Variants in ADCY9 observed in about 807,000 individuals in gnomAD.
The protein encoded by ADCY9 is adenylate cyclase type 9.
In ADCY9, 50 loss-of-function variants were observed where a neutral mutation model predicts 101.5. The ratio of observed to expected loss-of-function variants is 0.49; its 90% confidence interval spans 0.39 to 0.62. The LOEUF (loss-of-function observed/expected upper bound fraction) is 0.62. ADCY9 is among the 20% of genes least tolerant of loss of function. The pLI is 0.00. For missense variants in ADCY9, 1,662 were observed against 1,800.4 expected (o/e 0.92, Z 1.39); for synonymous variants, 905 against 769.3 (o/e 1.18, Z -2.92).
rs773506634 is a variant in ADCY9 at position 3,979,137 on chromosome 16, G to A, written c.2658C>T (p.Ser886=). The change falls in exon 8 of 11, where the codon TCC becomes TCT. Residue 886 remains serine (S), a synonymous_variant. Transcript: ENST00000294016. ...PALAVYSHVT[S]EYETNIHFPV... is the part of the protein sequence containing the mutation. Reference sequence around the variant, plus strand: ...TTACGTGTATGTTGGTCTCATATTCGGAGGTGACATGGGAGTAGACGGCCA... The same window carrying A: ...TTACGTGTATGTTGGTCTCATATTCAGAGGTGACATGGGAGTAGACGGCCA... 9.0e-5 allele frequency: 145 copies of A among 1,614,072 alleles called. No homozygotes were observed. Among genetic ancestry groups the A allele is most frequent in the Admixed American group, 1.7e-4 (10 of 60,006 alleles).
At chr16:4,038,902 C>T (rs1421249361) in intron 2 of ADCY9, among the ~76,000 whole-genome samples, 1 of 152,118 alleles carries the variant, frequency 6.6e-6, no homozygotes, top group East Asian at 1.9e-4. Context: ...TCCAGGCTTC[C>T]AGTTTCTCCT....
At chr16:3,987,019 C>T (rs1378624893) in intron 6 of ADCY9, among the ~76,000 whole-genome samples, 1 of 152,250 alleles carries the variant, frequency 6.6e-6, no homozygotes, top group Non-Finnish European at 1.5e-5. Context: ...GCCCCGGATG[C>T]GCCTGCAACT....
intron 2 of ADCY9, among the ~76,000 whole-genome samples, chr16:4,049,243 C>T (rs1004455388): frequency 6.6e-6 from 1 of 152,220 alleles, no homozygotes; most frequent in Non-Finnish European, 1.5e-5. Context: ...CTTTCCATTG[C>T]TGTACAGAAC....
rs773863317 is a variant in ADCY9, at chr16:3,974,728, A to T, written c.2829-18T>A. Reference sequence around the variant, plus strand: ...ATACAGAACTGAAATTAAAATGCAGAAAAATATTATCATAAAGAGCAAAGA... The same window carrying T: ...ATACAGAACTGAAATTAAAATGCAGTAAAATATTATCATAAAGAGCAAAGA... On this transcript the variant is annotated intron_variant, in intron 9 of 10. Coordinates refer to ENST00000294016, the MANE Select transcript of ADCY9 (RefSeq NM_001116.4). 6.2e-7 allele frequency: 1 copy of T among 1,606,984 alleles called. No homozygotes were observed. The highest frequency in any genetic ancestry group is 2.2e-5 in the East Asian group (1 of 44,820).
At chr16:3,985,140 C>CT (rs139751473) in intron 6 of ADCY9, among the ~76,000 whole-genome samples, 5 of 78,366 alleles carry the variant, frequency 6.4e-5, no homozygotes, top group African/African-American at 2.4e-4. Flanking sequence ...TTTTCTTTTC[C>CT]TTTTTTTTTT....
rs9939108 is a variant in ADCY9, at chr16:3,975,213, A to G, written c.2829-503T>C. On this transcript the variant is annotated intron_variant, in intron 9 of 10. Coordinates refer to ENST00000294016, the MANE Select transcript of ADCY9 (RefSeq NM_001116.4). ...GGTAAAAAGCAGTTTGCTGGATTTC[A>G]TACTCTCGAGAAAGAGCTCATCGTG... Among the ~76,000 whole-genome samples the G allele has an allele frequency of 8.0e-3, 1,214 of 152,316 alleles. 17 individuals are homozygous for G. Among genetic ancestry groups the G allele is most frequent in the African/African-American group, 0.027 (1,138 of 41,560 alleles).
At chr16:4,053,419 G>A in intron 2 of ADCY9, among the ~76,000 whole-genome samples, 1 of 146,926 alleles carries the variant, frequency 6.8e-6, no homozygotes, top group African/African-American at 2.5e-5. Context: ...ATTGATCTTT[G>A]AGAAGAGCTC....
At chr16:3,979,611 C>T (rs1000088536) in intron 7 of ADCY9, among the ~76,000 whole-genome samples, 2 of 152,268 alleles carry the variant, frequency 1.3e-5, no homozygotes, top group Admixed American at 1.3e-4. Context: ...ACGTTGCCGT[C>T]ACCGGCTCCC....
chr16:3,995,367 G>A (rs541701769), intron 3 of ADCY9, among the ~76,000 whole-genome samples: 19 of 152,266 alleles, frequency 1.2e-4, no homozygotes, highest in African/African-American at 4.3e-4. Flanking sequence ...GGTCAAGGCC[G>A]CAGTGAGCTT....
chr16:4,026,697 G>A (rs886241547), intron 2 of ADCY9, among the ~76,000 whole-genome samples: 5 of 152,158 alleles, frequency 3.3e-5, no homozygotes, highest in Non-Finnish European at 4.4e-5. Context: ...CAGCATCCAG[G>A]ACGAATCTCA....
intron 3 of ADCY9, among the ~76,000 whole-genome samples, chr16:3,995,015 C>T (rs888636536): frequency 3.3e-5 from 5 of 152,258 alleles, no homozygotes; most frequent in Middle Eastern, 3.4e-3. Context: ...AAGAGCAAAG[C>T]CTTTATTTCT....
At chr16:3,984,651 G>C (rs992983142) in intron 6 of ADCY9, among the ~76,000 whole-genome samples, 5 of 152,218 alleles carry the variant, frequency 3.3e-5, no homozygotes, top group Admixed American at 6.5e-5. Context: ...CCCTAACCTA[G>C]AGGAAGGTGT....
chr16:3,964,423 C>A lies in ADCY9; in HGVS notation c.*1352G>T, dbSNP rs185677737. On this transcript the variant is annotated 3_prime_UTR_variant, in exon 11 of 11. Transcript: ENST00000294016. Reference sequence around the variant, plus strand: ...GGGATTCCGCCCCTAACAAACCCCGCGTTTGCATCCAGATGCCTCTGTCCC... The same window carrying A: ...GGGATTCCGCCCCTAACAAACCCCGAGTTTGCATCCAGATGCCTCTGTCCC... 2.0e-5 allele frequency: 3 copies of A among 152,474 alleles called. No homozygotes were observed. In the South Asian group the frequency reaches 6.2e-4, roughly 32 times the overall value. 9.4% of individuals were successfully genotyped at this position (152,474 alleles called of 1,614,324 possible).
At chr16:4,087,543 T>TAAAAA (rs55706713) in intron 2 of ADCY9, among the ~76,000 whole-genome samples, 3 of 118,194 alleles carry the variant, frequency 2.5e-5, no homozygotes, top group East Asian at 4.7e-4. Flanking sequence ...CTCAAAAAGA[T>TAAAAA]AAAAAAAAAA....
At chr16:4,075,960 ATTTC>A (rs1567138392) in intron 2 of ADCY9, among the ~76,000 whole-genome samples, 1 of 152,208 alleles carries the variant, frequency 6.6e-6, no homozygotes. Flanking sequence ...CATCGCTGTT[ATTTC>A]TTTAAGTGAC....
intron 2 of ADCY9, among the ~76,000 whole-genome samples, chr16:4,087,541 G>GAAAAAA (rs1405795976): frequency 3.0e-5 from 1 of 33,226 alleles, no homozygotes. Context: ...ATCTCAAAAA[G>GAAAAAA]ATAAAAAAAA....
At position 4,114,676 on chromosome 16, in the gene ADCY9, A is replaced by G; in HGVS notation, c.767T>C (p.Phe256Ser). Reference sequence around the variant, plus strand: ...CCGGAAATGGTAGCCAAAGGTCTCGAAAAGGACAGAGTAGGCCACCCCCAG... The same window carrying G: ...CCGGAAATGGTAGCCAAAGGTCTCGGAAAGGACAGAGTAGGCCACCCCCAG... ...LCLGVAYSVL[F>S]ETFGYHFRDE... Residue 256 changes from phenylalanine to serine, a missense_variant, in exon 2 of 11, where the codon TTC becomes TCC. Coordinates refer to ENST00000294016, the MANE Select transcript of ADCY9 (RefSeq NM_001116.4). The surrounding 1 kb of genome is among the most constrained non-coding windows in gnomAD (Gnocchi z 4.3). 6.2e-7 allele frequency: 1 copy of G among 1,613,214 alleles called. No individual in the cohort carries two copies. Among genetic ancestry groups the G allele is most frequent in the Non-Finnish European group, 8.5e-7 (1 of 1,180,028 alleles).
intron 2 of ADCY9, among the ~76,000 whole-genome samples, chr16:4,068,199 T>C (rs904852375): frequency 1.3e-5 from 2 of 152,156 alleles, no homozygotes; most frequent in African/African-American, 4.8e-5. Context: ...GCATCTCCTT[T>C]CCTCACTTAA....
chr16:3,972,109 G>A lies in ADCY9; in HGVS notation c.2870+2560C>T, dbSNP rs117824298. On this transcript the variant is annotated intron_variant, in intron 10 of 10. Transcript: ENST00000294016. ...GAAGGCATCTGTAAGAAACAGGTAC[G>A]AGGACAGCTTCCCAGCTAGAATGTG... Among the ~76,000 whole-genome samples the A allele has an allele frequency of 6.5e-3, 990 of 152,306 alleles. 5 individuals are homozygous for A. The highest frequency in any genetic ancestry group is 0.022 in the African/African-American group (914 of 41,566).
Sources: gnomAD v4.1 joint callset for allele counts (sites outside exome capture counted in the v4.1 genomes callset) on GRCh38, gnomAD v4.1.1 for gene constraint, Gnocchi (gnomAD v3.1) non-coding constraint, MANE v1.5 for transcripts, NCBI Gene and HGNC (gene_info 2026-07-23, HGNC 2026-07-21) for gene names.